Variants in SIPA1L1 observed in about 807,000 individuals in gnomAD.
SIPA1L1 encodes signal induced proliferation associated 1 like 1.
Under a neutral mutation model 162.7 loss-of-function variants are expected in SIPA1L1, and 26 were observed. The ratio of observed to expected loss-of-function variants is 0.16; its 90% CI spans 0.12 to 0.22. SIPA1L1 has a LOEUF of 0.22. Among genes scored for constraint, SIPA1L1 ranks in the 10% least tolerant of loss-of-function variants. SIPA1L1 has a pLI of 1.00. For synonymous variants in SIPA1L1, 829 were observed against 837.4 expected, an observed-to-expected ratio of 0.99 and a Z score of 0.17; for missense variants, 1,874 against 2,241.0, an observed-to-expected ratio of 0.84 and a Z score of 3.31.
intron 17 of SIPA1L1, among the ~76,000 whole-genome samples, chr14:71,712,541 T>G (rs1281857467): frequency 6.6e-6 from 1 of 152,150 alleles, no homozygotes; most frequent in Non-Finnish European, 1.5e-5. Context: ...AAAAAAAGAT[T>G]AGTGGTAAGC....
intron 4 of SIPA1L1, among the ~76,000 whole-genome samples, chr14:71,563,101 T>A (rs987543298): frequency 3.9e-5 from 6 of 152,208 alleles, no homozygotes; most frequent in African/African-American, 1.4e-4. Flanking sequence ...CTAAGAATAA[T>A]ACCTGGCGTA....
At chr14:71,544,116 CATAT>C (rs755822922) in intron 4 of SIPA1L1, among the ~76,000 whole-genome samples, 2 of 150,326 alleles carry the variant, frequency 1.3e-5, no homozygotes, top group African/African-American at 4.9e-5. Context: ...TGTATATACA[CATAT>C]ATGCACGTGT....
chr14:71,529,650 C>T (rs1349696306), intron 4 of SIPA1L1, among the ~76,000 whole-genome samples: 2 of 152,172 alleles, frequency 1.3e-5, no homozygotes, highest in African/African-American at 2.4e-5. Flanking sequence ...CCATATCATG[C>T]GTTGCATCTA....
At chr14:71,600,217 G>A (rs894973761) in intron 5 of SIPA1L1, among the ~76,000 whole-genome samples, 4 of 152,048 alleles carry the variant, frequency 2.6e-5, no homozygotes, top group Admixed American at 2.6e-4. Context: ...TTTCTCCTTT[G>A]CCTTCTTCTA....
chr14:71,438,578 A>G (rs2044591646), intron 2 of SIPA1L1, among the ~76,000 whole-genome samples: 1 of 152,218 alleles, frequency 6.6e-6, no homozygotes, highest in African/African-American at 2.4e-5. Flanking sequence ...ATTTATGCGC[A>G]TGTGGTAAAA....
At chr14:71,493,630 G>A (rs1275722554) in intron 2 of SIPA1L1, among the ~76,000 whole-genome samples, 41 of 152,120 alleles carry the variant, frequency 2.7e-4, no homozygotes, top group Non-Finnish European at 2.9e-4. Context: ...AGAATATATA[G>A]CACAGGCTGG....
chr14:71,342,724 A>C (rs2035787729), intron 2 of SIPA1L1, among the ~76,000 whole-genome samples: 1 of 152,138 alleles, frequency 6.6e-6, no homozygotes, highest in Non-Finnish European at 1.5e-5. Context: ...TACCCACTTT[A>C]AACCTTACGT....
In SIPA1L1 at chr14:71,460,398, A is replaced by G. The variant is rs191558132; in HGVS notation, c.-464-52345A>G. ...ATTGATCTTAATCACAGGGCATAGT[A>G]ATACTGAGAGACGCCCTAATGGATC... On this transcript the variant is annotated intron_variant, in intron 2 of 23. Coordinates refer to ENST00000381232, the MANE Select transcript of SIPA1L1 (RefSeq NM_001386936.1). Among the ~76,000 whole-genome samples, 138 of 152,306 alleles carry G rather than the reference A, an allele frequency of 9.1e-4. 1 individual carries two copies. The highest frequency in any genetic ancestry group is 1.5e-3 in the Non-Finnish European group (104 of 68,036).
chr14:71,327,450 G>C (rs1030031768), intron 2 of SIPA1L1, among the ~76,000 whole-genome samples: 4 of 152,126 alleles, frequency 2.6e-5, no homozygotes, highest in Non-Finnish European at 4.4e-5. Flanking sequence ...ATCAGTTCTT[G>C]ATGCTCTTAG....
chr14:71,547,580 C>T (rs2055359471), intron 4 of SIPA1L1, among the ~76,000 whole-genome samples: 1 of 152,082 alleles, frequency 6.6e-6, no homozygotes, highest in Non-Finnish European at 1.5e-5. Flanking sequence ...AGGCATGAGC[C>T]ACTGTGCCTG....
Position 71,729,963 on chromosome 14 carries a change from C to A in SIPA1L1, c.4615-92C>A, listed in dbSNP as rs193110776. 2.8e-5 allele frequency: 38 copies of A among 1,369,712 alleles called. 1 individual carries two copies. Among genetic ancestry groups the A allele is most frequent in the Admixed American group, 3.7e-5 (2 of 53,344 alleles). The allele number at this position is 1,369,712 out of a possible 1,614,324, so 84.8% of individuals were successfully genotyped here. ...TTCCTTGCTAGGGGTGTGTCTGGAG[C>A]AGTAACTTGGTTATCCCACCCTCCC... On this transcript the variant is annotated intron_variant, in intron 19 of 23. Transcript: ENST00000381232.
rs536845651 is a variant in SIPA1L1 at position 71,359,834 on chromosome 14, A to G, written c.-465+38653A>G. Among the ~76,000 whole-genome samples, 8 of 152,222 alleles carry G rather than the reference A, an allele frequency of 5.3e-5. 1 individual carries two copies. The highest frequency in any genetic ancestry group is 1.2e-4 in the Non-Finnish European group (8 of 68,036). On this transcript the variant is annotated intron_variant, in intron 2 of 23. Coordinates refer to ENST00000381232, the MANE Select transcript of SIPA1L1 (RefSeq NM_001386936.1). ...AGATTATGCAGATATTATCAATGGA[A>G]CTGGTTCTTTAGATCTTAAAATCGA...
At chr14:71,353,357 CA>C (rs2036908977) in intron 2 of SIPA1L1, among the ~76,000 whole-genome samples, 1 of 152,118 alleles carries the variant, frequency 6.6e-6, no homozygotes, top group Non-Finnish European at 1.5e-5. Flanking sequence ...CTGGAGGAGA[CA>C]TTTTAGACCA....
chr14:71,364,176 C>CATGT (rs1376046073), intron 2 of SIPA1L1, among the ~76,000 whole-genome samples: 1 of 152,178 alleles, frequency 6.6e-6, no homozygotes, highest in Non-Finnish European at 1.5e-5. Context: ...TCATCACAGT[C>CATGT]ATGTGGCTTC....
intron 22 of SIPA1L1, among the ~76,000 whole-genome samples, chr14:71,736,388 C>A (rs1376725696): frequency 6.6e-6 from 1 of 152,158 alleles, no homozygotes; most frequent in Non-Finnish European, 1.5e-5. Context: ...CACAGCGAAA[C>A]TCTGTCTTAA....
At chr14:71,703,841 C>CT (rs2082259222) in intron 15 of SIPA1L1, among the ~76,000 whole-genome samples, 1 of 152,136 alleles carries the variant, frequency 6.6e-6, no homozygotes. Flanking sequence ...AAGGTTCTTC[C>CT]TAGACCCCTG....
intron 2 of SIPA1L1, among the ~76,000 whole-genome samples, chr14:71,355,488 AC>A (rs2037151249): frequency 6.6e-6 from 1 of 152,216 alleles, no homozygotes; most frequent in African/African-American, 2.4e-5. Context: ...GCATTCAAAT[AC>A]GGCATTAGAT....
In SIPA1L1 at chr14:71,740,535, C is replaced by CA. The variant is rs1364278430; in HGVS notation, c.*1375dup. 1 of 152,208 alleles carries CA rather than the reference C, an allele frequency of 6.6e-6. No individual in the cohort carries two copies. Among genetic ancestry groups the CA allele is most frequent in the Admixed American group, 6.5e-5 (1 of 15,284 alleles). 9.4% of individuals were successfully genotyped at this position (152,208 alleles called of 1,614,324 possible). ...CAGTGGCAACTCTGGTCTAAGGGAACATTCAGCACTCTAGCGGCATCTGAT... is the reference window on the plus strand; with the variant it reads ...CAGTGGCAACTCTGGTCTAAGGGAACAATTCAGCACTCTAGCGGCATCTGAT... On this transcript the variant is annotated 3_prime_UTR_variant, in exon 24 of 24. Coordinates refer to ENST00000381232, the MANE Select transcript of SIPA1L1 (RefSeq NM_001386936.1).
intron 2 of SIPA1L1, among the ~76,000 whole-genome samples, chr14:71,360,729 G>T (rs1354113996): frequency 6.6e-6 from 1 of 152,182 alleles, no homozygotes; most frequent in Non-Finnish European, 1.5e-5. Flanking sequence ...CAGAATGAGA[G>T]ATCACTGTTG....
Sources: allele counts gnomAD v4.1 joint callset (sites outside exome capture counted in the v4.1 genomes callset), GRCh38; gene constraint gnomAD v4.1.1; transcripts MANE v1.5; gene names NCBI Gene and HGNC (gene_info 2026-07-23, HGNC 2026-07-21).